Variants in AKAP13 observed in about 807,000 individuals in gnomAD.
AKAP13 encodes A-kinase anchoring protein 13.
AKAP13 carries 80 observed loss-of-function variants against 264.5 expected under a neutral mutation model. That is an observed-to-expected ratio of 0.30 (90% confidence interval 0.25 to 0.36). The LOEUF is 0.36. Among genes scored for constraint, AKAP13 ranks in the 10% least tolerant of loss-of-function variants. The pLI is 1.00. For missense variants in AKAP13, 3,712 were observed against 3,435.2 expected (o/e 1.08, Z -2.01); for synonymous variants, 1,380 against 1,250.2 (o/e 1.10, Z -2.19).
At chr15:85,517,197 T>C (rs2076635173) in intron 2 of AKAP13, among the ~76,000 whole-genome samples, 1 of 152,230 alleles carries the variant, frequency 6.6e-6, no homozygotes, top group South Asian at 2.1e-4. Flanking sequence ...AGTGCCATCC[T>C]GTCTTTCACT....
chr15:85,641,953 C>T (rs1271832876), intron 9 of AKAP13, among the ~76,000 whole-genome samples: 3 of 152,124 alleles, frequency 2.0e-5, no homozygotes, highest in African/African-American at 7.2e-5. Flanking sequence ...TTGTTTTAAA[C>T]CTAAATGACT....
intron 2 of AKAP13, among the ~76,000 whole-genome samples, chr15:85,518,511 TAAAAAC>T (rs921884290): frequency 3.3e-5 from 5 of 152,124 alleles, no homozygotes; most frequent in Non-Finnish European, 4.4e-5. Flanking sequence ...GACTTAATAT[TAAAAAC>T]AAACAAACAA....
At chr15:85,691,203 G>A (rs1045290446) in intron 16 of AKAP13, among the ~76,000 whole-genome samples, 2 of 152,180 alleles carry the variant, frequency 1.3e-5, no homozygotes, top group Non-Finnish European at 2.9e-5. Flanking sequence ...ACATAACAAT[G>A]GTATTGACAA....
intron 1 of AKAP13, among the ~76,000 whole-genome samples, chr15:85,452,019 G>T (rs577620671): frequency 1.4e-3 from 205 of 151,478 alleles, no homozygotes; most frequent in African/African-American, 4.4e-3. Context: ...TTGTAGTTTT[G>T]TCCTCTTTAC....
intron 1 of AKAP13, among the ~76,000 whole-genome samples, chr15:85,407,373 A>AT (rs2071722765): frequency 6.6e-6 from 1 of 151,414 alleles, no homozygotes; most frequent in South Asian, 2.1e-4. Flanking sequence ...GACTACAGGC[A>AT]TGCGCTGCCA....
chr15:85,692,509 G>A (rs929753636), intron 16 of AKAP13, among the ~76,000 whole-genome samples: 3 of 150,870 alleles, frequency 2.0e-5, no homozygotes, highest in Non-Finnish European at 1.5e-5. Context: ...GGTGGTGGTG[G>A]TGGTGGTGGC....
chr15:85,398,133 T>G (rs1326192270), intron 1 of AKAP13, among the ~76,000 whole-genome samples: 3 of 152,022 alleles, frequency 2.0e-5, no homozygotes, highest in Non-Finnish European at 4.4e-5. Context: ...CTGGCGAGAG[T>G]TGAAACGAGT....
At chr15:85,425,691 G>A (rs2072743412) in intron 1 of AKAP13, among the ~76,000 whole-genome samples, 3 of 150,774 alleles carry the variant, frequency 2.0e-5, no homozygotes, top group Admixed American at 2.0e-4. Context: ...ACTCCAGCCT[G>A]GGCGACAGAG....
At chr15:85,591,453 GTTCTTAC>G (rs1471632280) in intron 8 of AKAP13, among the ~76,000 whole-genome samples, 1 of 152,118 alleles carries the variant, frequency 6.6e-6, no homozygotes, top group Non-Finnish European at 1.5e-5. Flanking sequence ...TAAGTCTCAT[GTTCTTAC>G]TATAATCTGT....
chr15:85,601,253 C>T (rs895421877), intron 8 of AKAP13, among the ~76,000 whole-genome samples: 1 of 152,094 alleles, frequency 6.6e-6, no homozygotes, highest in Non-Finnish European at 1.5e-5. Flanking sequence ...CCATATAGTC[C>T]CTTAGGAAGT....
chr15:85,457,104 A>G (rs1596241082), intron 1 of AKAP13, among the ~76,000 whole-genome samples: 1 of 152,222 alleles, frequency 6.6e-6, no homozygotes, highest in Non-Finnish European at 1.5e-5. Flanking sequence ...TGAAGGTTGA[A>G]TGAATTGCCC....
chr15:85,477,486 GC>G (rs1197898367), intron 1 of AKAP13, among the ~76,000 whole-genome samples: 1 of 151,982 alleles, frequency 6.6e-6, no homozygotes, highest in East Asian at 1.9e-4. Context: ...GTCTGGCCTG[GC>G]CCTGTTGGCT....
Position 85,732,094 on chromosome 15 carries a change from A to C in AKAP13, c.7282+1387A>C, listed in dbSNP as rs541921020. Among the ~76,000 whole-genome samples the C allele has an allele frequency of 3.5e-4, 53 of 152,176 alleles. No individual in the cohort carries two copies. The East Asian group carries it at 9.1e-3, about 26-fold the overall frequency. The stretch of plus-strand genomic sequence containing the variant: ...CGAGACTATCTCAAAAAAAAAAAAA[A>C]AAAACGTTTGATGGATTTCAAGTCA... On this transcript the variant is annotated intron_variant, in intron 30 of 36. Transcript: ENST00000394518.
intron 1 of AKAP13, among the ~76,000 whole-genome samples, chr15:85,431,949 G>T (rs1178062568): frequency 6.6e-6 from 1 of 152,158 alleles, no homozygotes; most frequent in African/African-American, 2.4e-5. Flanking sequence ...CCCAAATGAA[G>T]AGTTGCTGTA....
In AKAP13 at chr15:85,727,294, CTG is replaced by C. The variant is rs1411548781; in HGVS notation, c.7004+52_7004+53del. 6.2e-7 allele frequency: 1 copy of C among 1,612,752 alleles called. No homozygotes were observed. On this transcript the variant is annotated intron_variant, in intron 28 of 36. Transcript: ENST00000394518. This position sits in a 1 kb window ranked among gnomAD's most constrained non-coding sequence, Gnocchi z 5.3. ...ACCCTTCCCAGCCCTCCTGATGTCT[CTG>C]TGTGATTTCATAACAGGCTGGACTG... is the stretch of plus-strand genomic sequence containing the variant.
chr15:85,582,362 T>C (rs544287028), intron 7 of AKAP13, among the ~76,000 whole-genome samples: 1 of 152,268 alleles, frequency 6.6e-6, no homozygotes, highest in East Asian at 1.9e-4. Flanking sequence ...TCTGGAGTGG[T>C]TGCAACTTTG....
At chr15:85,548,961 G>T (rs2077855340) in intron 5 of AKAP13, among the ~76,000 whole-genome samples, 2 of 145,664 alleles carry the variant, frequency 1.4e-5, no homozygotes, top group East Asian at 4.1e-4. Flanking sequence ...TCAATGGGTT[G>T]CTTTGAGAAA....
chr15:85,711,471 A>G (rs2086631416), intron 19 of AKAP13, among the ~76,000 whole-genome samples: 1 of 152,168 alleles, frequency 6.6e-6, no homozygotes, highest in Admixed American at 6.5e-5. Context: ...GTGTGAATTT[A>G]AATTAGATAA....
At chr15:85,426,655 A>G (rs954013940) in intron 1 of AKAP13, among the ~76,000 whole-genome samples, 3 of 152,144 alleles carry the variant, frequency 2.0e-5, no homozygotes, top group African/African-American at 7.2e-5. Context: ...ATGGTATGTG[A>G]TAGTTGTTGA....
Sources: allele counts gnomAD v4.1 joint callset (sites outside exome capture counted in the v4.1 genomes callset), GRCh38; gene constraint gnomAD v4.1.1; non-coding constraint Gnocchi (gnomAD v3.1); transcripts MANE v1.5; gene names NCBI Gene and HGNC (gene_info 2026-07-23, HGNC 2026-07-21).